Variants in FAT3 observed in about 807,000 individuals in gnomAD.
FAT3 encodes FAT atypical cadherin 3.
In FAT3, 95 loss-of-function variants were observed where a neutral mutation model predicts 310.2. That is an observed-to-expected ratio of 0.31 (90% CI 0.26 to 0.36). FAT3 has a LOEUF of 0.36. Among genes scored for constraint, FAT3 ranks in the 10% least tolerant of loss-of-function variants. The pLI, the probability that FAT3 is intolerant of heterozygous loss-of-function variation, is 1.00. For synonymous variants in FAT3, 2,314 were observed against 2,192.9 expected, an observed-to-expected ratio of 1.06 and a Z score of -1.54; for missense variants, 5,408 against 5,715.6, an observed-to-expected ratio of 0.95 and a Z score of 1.74.
chr11:92,810,967 T>C (rs1038172442), intron 13 of FAT3, among the ~76,000 whole-genome samples: 3 of 152,172 alleles, frequency 2.0e-5, no homozygotes, highest in East Asian at 1.9e-4. Context: ...AGAAAAATTA[T>C]TGGACTAATG....
intron 6 of FAT3, among the ~76,000 whole-genome samples, chr11:92,768,533 C>G (rs1203512510): frequency 6.6e-6 from 1 of 152,060 alleles, no homozygotes; most frequent in Non-Finnish European, 1.5e-5. Flanking sequence ...CTTTAAATAC[C>G]TATTGTTTCC....
At position 92,641,248 on chromosome 11, in the gene FAT3, C is replaced by A. The variant is rs188315485; in HGVS notation, c.3608-56136C>A. Among the ~76,000 whole-genome samples, 308 of 152,160 alleles carry A rather than the reference C, an allele frequency of 2.0e-3. 1 individual carries two copies. The highest frequency in any genetic ancestry group is 7.2e-3 in the African/African-American group (297 of 41,524). ...TACTATGCATTCTCTCTCAATATATCTCTCTCTCCCCAGATACATAATATG... is the reference window on the plus strand; with the variant it reads ...TACTATGCATTCTCTCTCAATATATATCTCTCTCCCCAGATACATAATATG... On this transcript the variant is annotated intron_variant, in intron 3 of 27. Coordinates refer to ENST00000525166, the MANE Select transcript of FAT3 (RefSeq NM_001367949.2).
chr11:92,362,496 A>G (rs1230895439), intron 2 of FAT3, among the ~76,000 whole-genome samples: 2 of 152,200 alleles, frequency 1.3e-5, no homozygotes, highest in East Asian at 3.9e-4. Context: ...CTAAGAAAGA[A>G]GGAGAGCCAG....
chr11:92,455,630 C>T (rs1951475577), intron 2 of FAT3, among the ~76,000 whole-genome samples: 1 of 152,148 alleles, frequency 6.6e-6, no homozygotes, highest in African/African-American at 2.4e-5. Context: ...GGCTGCTACT[C>T]AGCAGAAAGT....
chr11:92,889,003 G>A (rs776055157), intron 25 of FAT3, among the ~76,000 whole-genome samples, 186 bp from the exon 26 acceptor site: 1 of 152,064 alleles, frequency 6.6e-6, no homozygotes, highest in African/African-American at 2.4e-5. Context: ...CACAAATCCC[G>A]GGACCCTCTA....
intron 3 of FAT3, among the ~76,000 whole-genome samples, chr11:92,565,283 C>G (rs961947430): frequency 6.6e-6 from 1 of 151,492 alleles, no homozygotes; most frequent in Non-Finnish European, 1.5e-5. Flanking sequence ...ACTAGAAAAT[C>G]TAGAAGAAAC....
chr11:92,375,050 C>A (rs896502868), intron 2 of FAT3, among the ~76,000 whole-genome samples: 4 of 152,132 alleles, frequency 2.6e-5, no homozygotes, highest in Non-Finnish European at 4.4e-5. Flanking sequence ...TGCGCACACA[C>A]ACACACACCA....
At chr11:92,401,161 T>C (rs1950005139) in intron 2 of FAT3, among the ~76,000 whole-genome samples, 1 of 152,196 alleles carries the variant, frequency 6.6e-6, no homozygotes, top group Admixed American at 6.6e-5. Flanking sequence ...CTGGCGGGGA[T>C]ACTTTACTAG....
intron 2 of FAT3, among the ~76,000 whole-genome samples, chr11:92,500,890 A>G (rs1327371049): frequency 6.6e-6 from 1 of 152,092 alleles, no homozygotes. Context: ...CTCCTAAGTT[A>G]ATAAATGAAT....
At chr11:92,440,373 C>G (rs1301912234) in intron 2 of FAT3, among the ~76,000 whole-genome samples, 1 of 152,174 alleles carries the variant, frequency 6.6e-6, no homozygotes, top group Non-Finnish European at 1.5e-5. Flanking sequence ...TTTGTAACAT[C>G]CTGCAGATTT....
intron 1 of FAT3, among the ~76,000 whole-genome samples, chr11:92,332,010 A>T (rs1414770535): frequency 6.6e-6 from 1 of 152,188 alleles, no homozygotes; most frequent in East Asian, 1.9e-4. Flanking sequence ...CATGTTAGCT[A>T]CAAGAGCCAT....
At chr11:92,793,248 A>C (rs1947082823) in intron 9 of FAT3, among the ~76,000 whole-genome samples, 1 of 152,202 alleles carries the variant, frequency 6.6e-6, no homozygotes, top group Non-Finnish European at 1.5e-5. Flanking sequence ...ATAAATACGT[A>C]ATAAATTTAG....
chr11:92,809,117 A>G (rs954146696), intron 12 of FAT3, among the ~76,000 whole-genome samples: 1 of 152,142 alleles, frequency 6.6e-6, no homozygotes, highest in African/African-American at 2.4e-5. Flanking sequence ...TATCTCCACA[A>G]AAGCTGGTTT....
intron 18 of FAT3, 95 bp from the exon 19 acceptor site, chr11:92,843,839 G>C: frequency 1.7e-6 from 2 of 1,182,860 alleles, no homozygotes; most frequent in Non-Finnish European, 2.4e-6. Context: ...AGAAGCAAAC[G>C]TAAAGGTACA....
chr11:92,273,935 C>T (rs1318862), intron 1 of FAT3, among the ~76,000 whole-genome samples: 87,029 of 151,946 alleles, frequency 0.57, 25,102 homozygotes, highest in Non-Finnish European at 0.58. Context: ...AACTTTATGA[C>T]GGGTTTGTTT....
intron 3 of FAT3, among the ~76,000 whole-genome samples, chr11:92,550,651 A>G (rs1183300235): frequency 6.6e-6 from 1 of 152,186 alleles, no homozygotes; most frequent in East Asian, 1.9e-4. Flanking sequence ...TGAGCACAGC[A>G]GTCCTCATAC....
At chr11:92,456,717 T>C (rs1320525603) in intron 2 of FAT3, among the ~76,000 whole-genome samples, 1 of 152,208 alleles carries the variant, frequency 6.6e-6, no homozygotes, top group Non-Finnish European at 1.5e-5. Context: ...ACTTAGTAAA[T>C]TATGAGTATT....
intron 20 of FAT3, among the ~76,000 whole-genome samples, chr11:92,858,077 A>G (rs1303288620): frequency 1.3e-5 from 2 of 152,192 alleles, no homozygotes; most frequent in Admixed American, 6.5e-5. Flanking sequence ...CAATTTTGGG[A>G]TCCAATAAAT....
chr11:92,835,026 A>G lies in FAT3; in HGVS notation c.10028A>G (p.Gln3343Arg), dbSNP rs749570566. The change falls in exon 15 of 28, where the codon CAA becomes CGA. Residue 3343 changes from glutamine (Q) to arginine (R), a missense_variant. Gln to Arg is a conservative substitution (Grantham distance 43). This residue lies in a region of FAT3 where 4,588 missense variants were observed against 4,809.8 expected (regional missense o/e 0.95). Coordinates refer to ENST00000525166, the MANE Select transcript of FAT3 (RefSeq NM_001367949.2). ...AATGACAACCCTCCCAAGTTCAGCCAAGACGTCTACAGTGCGGTTATCAGT... is the reference window on the plus strand; with the variant it reads ...AATGACAACCCTCCCAAGTTCAGCCGAGACGTCTACAGTGCGGTTATCAGT... ...DVNDNPPKFS[Q>R]DVYSAVISED... is the part of the protein sequence containing the mutation. The G allele has an allele frequency of 6.2e-7, 1 of 1,613,770 alleles. No individual in the cohort carries two copies.
Sources: gnomAD v4.1 joint callset for allele counts (sites outside exome capture counted in the v4.1 genomes callset) on GRCh38, gnomAD v4.1.1 for gene constraint, gnomAD v4.1.1 regional missense constraint, MANE v1.5 for transcripts, NCBI Gene and HGNC (gene_info 2026-07-23, HGNC 2026-07-21) for gene names.